AHI1: variants seen among roughly 807,000 people sequenced by gnomAD.
AHI1 encodes Abelson helper integration site 1, also known as jouberin.
In AHI1, 123 loss-of-function variants were observed where a neutral mutation model predicts 149.3. The observed-to-expected ratio is 0.82, with a 90% CI of 0.71 to 0.96. AHI1 has a LOEUF of 0.96. Ranked by LOEUF, AHI1 falls within the 40% of genes least tolerant of loss-of-function variation. The pLI is 0.00. For missense variants in AHI1, 1,439 were observed against 1,422.7 expected (o/e 1.01, Z -0.18); for synonymous variants, 475 against 459.8 (o/e 1.03, Z -0.42).
At chr6:135,293,406 G>GAAAAA (rs71547029) in intron 27 of AHI1, among the ~76,000 whole-genome samples, 1 of 65,628 alleles carries the variant, frequency 1.5e-5, no homozygotes, top group African/African-American at 8.9e-5. Flanking sequence ...AAAAAAAAAA[G>GAAAAA]AAAAAAAAAA....
At chr6:135,369,779 T>C (rs142485455) in intron 23 of AHI1, among the ~76,000 whole-genome samples, 175 of 152,332 alleles carry the variant, frequency 1.1e-3, no homozygotes, top group Admixed American at 3.0e-3. Flanking sequence ...TCTGCTGTTA[T>C]CTGTTGTTAG....
In AHI1 at chr6:135,363,293, A is replaced by G. The variant is rs905239200; in HGVS notation, c.3110-5106T>C. On this transcript the variant is annotated intron_variant, in intron 23 of 28. Coordinates refer to ENST00000265602, the MANE Select transcript of AHI1 (RefSeq NM_001134831.2). ...TTCAAGCATCTGTTTAACAAAGCAC[A>G]TCTTGCACCGCCCTTAATCCATTCA... Among the ~76,000 whole-genome samples, 11 of 151,184 alleles carry G rather than the reference A, an allele frequency of 7.3e-5. No individual in the cohort carries two copies. In the South Asian group the frequency reaches 2.1e-3, roughly 29 times the overall value.
chr6:135,320,208 G>A (rs1213474101), intron 25 of AHI1, among the ~76,000 whole-genome samples: 1 of 151,960 alleles, frequency 6.6e-6, no homozygotes, highest in Non-Finnish European at 1.5e-5. Flanking sequence ...CATTACAGTC[G>A]CAGATTTTTC....
intron 8 of AHI1, among the ~76,000 whole-genome samples, chr6:135,460,341 C>T (rs998432862): frequency 6.6e-6 from 1 of 152,092 alleles, no homozygotes; most frequent in Non-Finnish European, 1.5e-5. Context: ...TAAGAAACAT[C>T]AAATCCCAGG....
rs191149410 is a variant in AHI1 at position 135,367,473 on chromosome 6, C to A, written c.3110-9286G>T. On this transcript the variant is annotated intron_variant, in intron 23 of 28. Transcript: ENST00000265602. ...ATGTTTTCCAAACTTTTGGATTTCT[C>A]TTCTTCCAGGAACACCAATTATTCT... 2.1e-3 allele frequency among the ~76,000 whole-genome samples: 312 copies of A among 152,136 alleles called. 1 individual carries two copies. The highest frequency in any genetic ancestry group is 3.9e-3 in the Non-Finnish European group (264 of 67,990).
At chr6:135,286,801 T>G (rs1583496657) in intron 28 of AHI1, among the ~76,000 whole-genome samples, 1 of 152,252 alleles carries the variant, frequency 6.6e-6, no homozygotes. Flanking sequence ...AAAAATACGT[T>G]CTAGTGAAGC....
chr6:135,341,639 C>T (rs1790385705), intron 24 of AHI1, among the ~76,000 whole-genome samples: 1 of 151,750 alleles, frequency 6.6e-6, no homozygotes, highest in African/African-American at 2.4e-5. Flanking sequence ...GTATGTTCTC[C>T]AACCATGATA....
chr6:135,291,804 G>C (rs893782689), intron 27 of AHI1, among the ~76,000 whole-genome samples: 3 of 152,164 alleles, frequency 2.0e-5, no homozygotes, highest in Admixed American at 6.5e-5. Flanking sequence ...AAAAAGCACT[G>C]ATAGCACACA....
At chr6:135,446,051 G>A (rs9494242) in intron 13 of AHI1, among the ~76,000 whole-genome samples, 2,632 of 150,964 alleles carry the variant, frequency 0.017, 86 homozygotes, top group African/African-American at 0.061. Flanking sequence ...GCAAGTCTCC[G>A]TCTCAAAAAA....
chr6:135,361,652 C>T (rs1322371545), intron 23 of AHI1, among the ~76,000 whole-genome samples: 34 of 53,728 alleles, frequency 6.3e-4, no homozygotes, highest in African/African-American at 5.1e-3. Flanking sequence ...GTTTCACACA[C>T]ACACACACAC....
chr6:135,492,463 C>G lies in AHI1; in HGVS notation c.-54-172G>C, dbSNP rs1177955572. 2.4e-6 allele frequency: 3 copies of G among 1,228,964 alleles called. No individual in the cohort carries two copies. In the Admixed American group the frequency reaches 1.2e-4, roughly 49 times the overall value. 76.1% of individuals were successfully genotyped at this position (1,228,964 alleles called of 1,614,324 possible). On this transcript the variant is annotated intron_variant, in intron 3 of 28. Transcript: ENST00000265602. ...GCAAATGACTTGGGTACATTTGAAT[C>G]AGTTTAGGGCTCTAAAATCAAGGGA...
At chr6:135,493,626 A>G (rs1263187098) in intron 3 of AHI1, among the ~76,000 whole-genome samples, 2 of 152,230 alleles carry the variant, frequency 1.3e-5, no homozygotes, top group African/African-American at 4.8e-5. Context: ...AGCATGAGTA[A>G]TTGAAACCTG....
rs144043616 is a variant in AHI1, at chr6:135,350,987, C to T, written c.3165+7145G>A. Among the ~76,000 whole-genome samples the T allele has an allele frequency of 4.7e-4, 71 of 152,242 alleles. 1 individual carries two copies. The highest frequency in any genetic ancestry group is 1.6e-3 in the African/African-American group (66 of 41,540). ...ACTTTGGCTATCATGACTTACAGAACTGATGAATAAGGTGATCATATATTT... is the reference window on the plus strand; with the variant it reads ...ACTTTGGCTATCATGACTTACAGAATTGATGAATAAGGTGATCATATATTT... On this transcript the variant is annotated intron_variant, in intron 24 of 28. Coordinates refer to ENST00000265602, the MANE Select transcript of AHI1 (RefSeq NM_001134831.2).
intron 16 of AHI1, among the ~76,000 whole-genome samples, chr6:135,432,794 T>C (rs575538713): frequency 6.6e-6 from 1 of 152,324 alleles, no homozygotes; most frequent in Admixed American, 6.5e-5. Context: ...ATTTGGCACA[T>C]GACTGGTTGT....
chr6:135,493,380 A>G (rs574041474), intron 3 of AHI1, among the ~76,000 whole-genome samples: 1 of 152,338 alleles, frequency 6.6e-6, no homozygotes, highest in African/African-American at 2.4e-5. Context: ...GAAATTCTAA[A>G]AAGAAAGGAA....
chr6:135,363,349 G>A (rs559256285), intron 23 of AHI1, among the ~76,000 whole-genome samples: 4 of 152,068 alleles, frequency 2.6e-5, no homozygotes, highest in South Asian at 4.1e-4. Context: ...ATGTTTCAGA[G>A]AGCACAGGGT....
At chr6:135,374,226 C>T (rs1775562160) in intron 23 of AHI1, among the ~76,000 whole-genome samples, 1 of 150,176 alleles carries the variant, frequency 6.7e-6, no homozygotes, top group South Asian at 2.1e-4. Flanking sequence ...CATTCTCCTG[C>T]CTCAGCCTCC....
intron 27 of AHI1, among the ~76,000 whole-genome samples, chr6:135,294,992 CA>C (rs986577929): frequency 1.3e-5 from 2 of 151,866 alleles, no homozygotes; most frequent in African/African-American, 4.8e-5. Context: ...AATAAAAAGG[CA>C]AAACACAGAT....
intron 20 of AHI1, among the ~76,000 whole-genome samples, chr6:135,415,074 TG>T (rs1782167683): frequency 6.6e-6 from 1 of 151,396 alleles, no homozygotes; most frequent in South Asian, 2.1e-4. Flanking sequence ...TTTGGTTTTT[TG>T]TCCTTGCGAT....
Sources: gnomAD v4.1 joint callset for allele counts (sites outside exome capture counted in the v4.1 genomes callset) on GRCh38, gnomAD v4.1.1 for gene constraint, MANE v1.5 for transcripts, NCBI Gene and HGNC (gene_info 2026-07-23, HGNC 2026-07-21) for gene names.